LDLRAD4: variants seen among roughly 807,000 people sequenced by gnomAD.
The protein encoded by LDLRAD4 is low-density lipoprotein receptor class A domain-containing protein 4.
A neutral mutation model predicts 17.0 loss-of-function variants in LDLRAD4; 5 were observed. That is an observed-to-expected ratio of 0.29 (90% CI 0.15 to 0.62). The LOEUF (loss-of-function observed/expected upper bound fraction) is 0.62, where lower values mean the gene tolerates loss of function less well. LDLRAD4 is among the 20% of genes least tolerant of loss of function. The probability of loss-of-function intolerance (pLI) is 0.84; values close to 1 mark genes in which losing one functional copy is unlikely to be tolerated. For synonymous variants in LDLRAD4, 168 were observed against 171.8 expected (o/e 0.98, Z 0.17); for missense variants, 340 against 424.7 (o/e 0.80, Z 1.75).
At chr18:13,290,440 G>A (rs973153774) in intron 1 of LDLRAD4, among the ~76,000 whole-genome samples, 4 of 151,950 alleles carry the variant, frequency 2.6e-5, no homozygotes, top group Admixed American at 2.6e-4. Context: ...CTGAACCATA[G>A]AACCCTAAAT....
chr18:13,509,842 C>T, intron 3 of LDLRAD4, among the ~76,000 whole-genome samples: 1 of 152,216 alleles, frequency 6.6e-6, no homozygotes, highest in East Asian at 1.9e-4. Context: ...GATCATTCAG[C>T]AGCCGTCAAC....
intron 2 of LDLRAD4, among the ~76,000 whole-genome samples, chr18:13,433,060 A>G (rs2090444980): frequency 6.6e-6 from 1 of 152,202 alleles, no homozygotes; most frequent in Admixed American, 6.5e-5. Flanking sequence ...CTTGCAGGGG[A>G]ACAGGCAGTG....
At chr18:13,608,871 T>C (rs944555535) in intron 3 of LDLRAD4, among the ~76,000 whole-genome samples, 1 of 152,222 alleles carries the variant, frequency 6.6e-6, no homozygotes, top group African/African-American at 2.4e-5. Context: ...AAGACCTTTA[T>C]AGAGGAAACC....
At chr18:13,481,266 AG>A (rs2093075104) in intron 3 of LDLRAD4, among the ~76,000 whole-genome samples, 2 of 152,220 alleles carry the variant, frequency 1.3e-5, no homozygotes, top group Non-Finnish European at 2.9e-5. Context: ...AAGCGGGGAC[AG>A]GACACGTGTC....
intron 1 of LDLRAD4, among the ~76,000 whole-genome samples, chr18:13,346,562 G>T (rs1262514843): frequency 2.6e-5 from 4 of 152,150 alleles, no homozygotes; most frequent in Non-Finnish European, 5.9e-5. Context: ...TGTTGATTTG[G>T]GGTGGAGAGT....
intron 3 of LDLRAD4, among the ~76,000 whole-genome samples, chr18:13,447,675 G>A (rs1022327821): frequency 6.6e-6 from 1 of 152,168 alleles, no homozygotes; most frequent in African/African-American, 2.4e-5. Flanking sequence ...AAAGTCTGGC[G>A]GTGCTATTTT....
intron 3 of LDLRAD4, chr18:13,526,512 T>G (rs1601103756): frequency 6.6e-6 from 1 of 152,370 alleles, no homozygotes. Flanking sequence ...ATGAGATCAC[T>G]TGTGATTGAG....
chr18:13,604,794 C>A (rs2095204267), intron 3 of LDLRAD4, among the ~76,000 whole-genome samples: 1 of 152,120 alleles, frequency 6.6e-6, no homozygotes, highest in Non-Finnish European at 1.5e-5. Context: ...AGATTTCTAT[C>A]CCCCTTCAAC....
chr18:13,453,602 C>T (rs1473525591), intron 3 of LDLRAD4, among the ~76,000 whole-genome samples: 1 of 152,158 alleles, frequency 6.6e-6, no homozygotes, highest in Non-Finnish European at 1.5e-5. Flanking sequence ...TTAGATGGAA[C>T]ATTTAGCCAA....
At chr18:13,635,816 C>T (rs1164966404) in intron 4 of LDLRAD4, among the ~76,000 whole-genome samples, 1 of 152,216 alleles carries the variant, frequency 6.6e-6, no homozygotes, top group African/African-American at 2.4e-5. Context: ...TGGGTCTGGG[C>T]AGCCATGCTC....
chr18:13,238,516 T>C (rs1254840854), intron 1 of LDLRAD4, among the ~76,000 whole-genome samples: 1 of 152,224 alleles, frequency 6.6e-6, no homozygotes, highest in Non-Finnish European at 1.5e-5. Context: ...CTGTGCTCTT[T>C]CTGTAATAAG....
intron 1 of LDLRAD4, among the ~76,000 whole-genome samples, chr18:13,348,985 G>T (rs1057067172): frequency 2.6e-5 from 4 of 152,166 alleles, no homozygotes; most frequent in Admixed American, 1.3e-4. Flanking sequence ...CCCTTTCCTT[G>T]ACTAGGAAAG....
At chr18:13,336,762 C>G (rs1467065493) in intron 1 of LDLRAD4, among the ~76,000 whole-genome samples, 1 of 151,684 alleles carries the variant, frequency 6.6e-6, no homozygotes, top group Non-Finnish European at 1.5e-5. Flanking sequence ...TATATTTGTG[C>G]TCTGTGGTGC....
At chr18:13,571,702 TCTC>T (rs2094693467) in intron 3 of LDLRAD4, among the ~76,000 whole-genome samples, 1 of 152,216 alleles carries the variant, frequency 6.6e-6, no homozygotes, top group Non-Finnish European at 1.5e-5. Flanking sequence ...AGTGGTATGA[TCTC>T]AGCTCACTGC....
At chr18:13,223,769 C>G (rs983927644) in intron 1 of LDLRAD4, among the ~76,000 whole-genome samples, 1 of 152,230 alleles carries the variant, frequency 6.6e-6, no homozygotes, top group African/African-American at 2.4e-5. Flanking sequence ...CACTGATTCA[C>G]TAATCTAATC....
At position 13,621,228 on chromosome 18, in the gene LDLRAD4, A is replaced by G. The variant is rs201318135; in HGVS notation, c.293A>G (p.Asn98Ser). Residue 98 changes from asparagine to serine, a missense_variant, in exon 4 of 6, where the codon AAC (asparagine) becomes AGC (serine). By Grantham distance (46) the Asn-to-Ser change is conservative (BLOSUM62 1). Coordinates refer to ENST00000359446, the Ensembl canonical transcript of LDLRAD4. This position sits in a 1 kb window ranked among gnomAD's most constrained non-coding sequence, Gnocchi z 5.5. ...AAAGTCTCCACGCGGTCCTTCATCA[A>G]CCGCCCGAACCAGAGCCGGAGGCGG... The G allele has an allele frequency of 3.0e-5, 49 of 1,613,652 alleles. No homozygotes were observed. Among genetic ancestry groups the G allele is most frequent in the Middle Eastern group, 1.6e-4 (1 of 6,084 alleles).
intron 1 of LDLRAD4, among the ~76,000 whole-genome samples, chr18:13,354,855 C>A (rs904618042): frequency 3.3e-5 from 5 of 152,182 alleles, no homozygotes; most frequent in African/African-American, 4.8e-5. Context: ...TTCATTGAGT[C>A]CTCTGGCAGC....
At chr18:13,242,126 A>C (rs965929652) in intron 1 of LDLRAD4, 4 of 152,260 alleles carry the variant, frequency 2.6e-5, no homozygotes, top group African/African-American at 9.6e-5. Context: ...GGTTCTAGGA[A>C]AAAGAGAAAA....
In LDLRAD4 at chr18:13,645,483, G is replaced by C; in HGVS notation, c.747G>C (p.Glu249Asp). ...CCTGCAGCAGTAACGGGAGGATGGA[G>C]GGGCCACCCCCCACATACAGCGAGG... is the stretch of plus-strand genomic sequence containing the variant. Residue 249 changes from glutamate to aspartate, a missense_variant, in exon 6 of 6, where the codon GAG becomes GAC. By Grantham distance (45) the Glu-to-Asp change is conservative. Coordinates refer to ENST00000359446, the Ensembl canonical transcript of LDLRAD4. This position sits in a 1 kb window ranked among gnomAD's most constrained non-coding sequence, Gnocchi z 5.7. 1 of 1,611,292 alleles carries C rather than the reference G, an allele frequency of 6.2e-7. No individual in the cohort carries two copies. Among genetic ancestry groups the C allele is most frequent in the Non-Finnish European group, 8.5e-7 (1 of 1,178,422 alleles).
Sources: gnomAD v4.1 joint callset for allele counts (sites outside exome capture counted in the v4.1 genomes callset) on GRCh38, gnomAD v4.1.1 for gene constraint, Gnocchi (gnomAD v3.1) non-coding constraint, MANE v1.5 for transcripts, NCBI Gene and HGNC (gene_info 2026-07-23, HGNC 2026-07-21) for gene names.